The following HS3ST5 variants were observed in gnomAD, a reference collection of about 807,000 sequenced individuals.
HS3ST5 encodes heparan sulfate glucosamine 3-O-sulfotransferase 5.
HS3ST5 carries 10 observed loss-of-function variants against 25.4 expected under a neutral mutation model. That is an observed-to-expected ratio of 0.39 (90% confidence interval 0.24 to 0.67). HS3ST5 has a LOEUF of 0.67. Among genes scored for constraint, HS3ST5 ranks in the 30% least tolerant of loss-of-function variants. The probability of loss-of-function intolerance (pLI) is 0.44; values close to 1 mark genes in which losing one functional copy is unlikely to be tolerated. For missense variants in HS3ST5, 324 were observed against 420.7 expected (o/e 0.77, Z 2.01); for synonymous variants, 170 against 162.4 (o/e 1.05, Z -0.36).
At chr6:114,058,688 C>T (rs1772917656) in intron 4 of HS3ST5, 1 of 153,906 alleles carries the variant, frequency 6.5e-6, no homozygotes, top group South Asian at 2.0e-4. Context: ...AAAGGAGGTC[C>T]CAGTTTCTGC....
intron 1 of HS3ST5, among the ~76,000 whole-genome samples, chr6:114,334,909 C>T (rs1776546493): frequency 6.6e-6 from 1 of 152,092 alleles, no homozygotes; most frequent in Non-Finnish European, 1.5e-5. Flanking sequence ...GTTCTAGTGG[C>T]CATTGCATAT....
chr6:114,219,992 T>TA (rs1395140394), intron 2 of HS3ST5, among the ~76,000 whole-genome samples: 1 of 152,140 alleles, frequency 6.6e-6, no homozygotes, highest in East Asian at 1.9e-4. Context: ...TTTAGTTGTT[T>TA]ACAGCTTCTT....
intron 1 of HS3ST5, among the ~76,000 whole-genome samples, chr6:114,305,225 C>G (rs1775240009): frequency 6.6e-6 from 1 of 152,094 alleles, no homozygotes; most frequent in Non-Finnish European, 1.5e-5. Flanking sequence ...TATCACCACC[C>G]ACCTCATCAG....
At chr6:114,178,524 T>C (rs1779824906) in intron 2 of HS3ST5, 1 of 152,230 alleles carries the variant, frequency 6.6e-6, no homozygotes, top group Non-Finnish European at 1.5e-5. Context: ...TTCCCAGAGC[T>C]GCCCTAGACA....
chr6:114,257,080 G>GT (rs1275520390), intron 1 of HS3ST5, among the ~76,000 whole-genome samples: 1 of 152,118 alleles, frequency 6.6e-6, no homozygotes, highest in Non-Finnish European at 1.5e-5. Context: ...CACAAGAACA[G>GT]TTTGAGAGAA....
intron 2 of HS3ST5, among the ~76,000 whole-genome samples, chr6:114,215,472 C>G (rs780184992): frequency 4.6e-5 from 7 of 152,218 alleles, no homozygotes; most frequent in African/African-American, 7.2e-5. Flanking sequence ...CAACACTCAC[C>G]TACCCTTTTA....
intron 3 of HS3ST5, among the ~76,000 whole-genome samples, chr6:114,075,191 A>C (rs1029093243): frequency 6.6e-6 from 1 of 152,220 alleles, no homozygotes; most frequent in Non-Finnish European, 1.5e-5. Context: ...TCATCTGTTA[A>C]ACATAGAGCT....
At chr6:114,298,409 CTTA>C (rs946514672) in intron 1 of HS3ST5, among the ~76,000 whole-genome samples, 6 of 152,204 alleles carry the variant, frequency 3.9e-5, no homozygotes, top group African/African-American at 1.4e-4. Context: ...CTTAAGGGCA[CTTA>C]TTATGTGTCA....
At chr6:114,172,811 A>G (rs981442871) in intron 2 of HS3ST5, among the ~76,000 whole-genome samples, 13 of 152,240 alleles carry the variant, frequency 8.5e-5, no homozygotes, top group African/African-American at 3.1e-4. Context: ...AGACATAGCC[A>G]CCTATATCAT....
chr6:114,101,342 A>G (rs944902647), intron 3 of HS3ST5, among the ~76,000 whole-genome samples: 3 of 152,202 alleles, frequency 2.0e-5, no homozygotes, highest in Non-Finnish European at 4.4e-5. Context: ...ATATTGCATT[A>G]TATCTATATT....
chr6:114,339,681 C>G (rs1776746975), intron 1 of HS3ST5, among the ~76,000 whole-genome samples: 1 of 152,190 alleles, frequency 6.6e-6, no homozygotes. Context: ...AGCTAGAAAT[C>G]ATACAGTGCA....
At chr6:114,201,297 A>G (rs903567186) in intron 2 of HS3ST5, among the ~76,000 whole-genome samples, 1 of 152,194 alleles carries the variant, frequency 6.6e-6, no homozygotes, top group Non-Finnish European at 1.5e-5. Flanking sequence ...ATAGTAAAGA[A>G]ATCTTGCTGG....
chr6:114,254,224 C>T (rs1212348546), intron 1 of HS3ST5, among the ~76,000 whole-genome samples: 1 of 152,190 alleles, frequency 6.6e-6, no homozygotes, highest in Non-Finnish European at 1.5e-5. Flanking sequence ...CCCTGCCCCA[C>T]CTGAGATTTG....
At chr6:114,150,997 T>C (rs1411253236) in intron 3 of HS3ST5, among the ~76,000 whole-genome samples, 3 of 152,160 alleles carry the variant, frequency 2.0e-5, no homozygotes, top group Non-Finnish European at 2.9e-5. Flanking sequence ...TTTTAAAGCA[T>C]GAATAAAAAA....
intron 1 of HS3ST5, among the ~76,000 whole-genome samples, chr6:114,242,563 T>G (rs1264648422): frequency 6.6e-6 from 1 of 152,340 alleles, no homozygotes; most frequent in Non-Finnish European, 1.5e-5. Flanking sequence ...CCATTATCCA[T>G]GCCCACTGCT....
intron 1 of HS3ST5, among the ~76,000 whole-genome samples, chr6:114,328,704 GA>G (rs1776271921): frequency 6.6e-6 from 1 of 152,174 alleles, no homozygotes; most frequent in African/African-American, 2.4e-5. Flanking sequence ...TTATTGTCAT[GA>G]GCAGGAATCT....
intron 1 of HS3ST5, among the ~76,000 whole-genome samples, chr6:114,273,633 G>A (rs1225686790): frequency 6.6e-6 from 1 of 152,038 alleles, no homozygotes; most frequent in Non-Finnish European, 1.5e-5. Context: ...GAGGGGTATG[G>A]CCTCCTGAAA....
At chr6:114,277,444 C>T (rs962515551) in intron 1 of HS3ST5, among the ~76,000 whole-genome samples, 1 of 144,518 alleles carries the variant, frequency 6.9e-6, no homozygotes, top group African/African-American at 2.5e-5. Context: ...TGGCAAAAAC[C>T]GCAATTACTT....
At chr6:114,292,731 C>G (rs1395305402) in intron 1 of HS3ST5, among the ~76,000 whole-genome samples, 1 of 152,102 alleles carries the variant, frequency 6.6e-6, no homozygotes, top group Non-Finnish European at 1.5e-5. Context: ...GGGATTTGTT[C>G]CAGGGCTTCC....
Sources: gnomAD v4.1 joint callset for allele counts (sites outside exome capture counted in the v4.1 genomes callset) on GRCh38, gnomAD v4.1.1 for gene constraint, MANE v1.5 for transcripts, NCBI Gene and HGNC (gene_info 2026-07-23, HGNC 2026-07-21) for gene names.